Variants in CLVS1 observed in about 807,000 individuals in gnomAD.
CLVS1 encodes clavesin-1.
CLVS1 carries 10 observed loss-of-function variants against 33.1 expected under a neutral mutation model. The ratio of observed to expected loss-of-function variants is 0.30; its 90% confidence interval spans 0.19 to 0.51. The LOEUF is 0.51. Ranked by LOEUF, CLVS1 falls within the 20% of genes least tolerant of loss-of-function variation. The pLI is 0.97. For synonymous variants in CLVS1, 163 were observed against 166.1 expected (o/e 0.98, Z 0.14); for missense variants, 343 against 433.4 (o/e 0.79, Z 1.85).
At chr8:61,142,251 T>C (rs1806320455) in intron 2 of CLVS1, among the ~76,000 whole-genome samples, 1 of 152,196 alleles carries the variant, frequency 6.6e-6, no homozygotes. Context: ...GTTTAAAATG[T>C]GGCACATTCC....
At chr8:61,387,832 T>A (rs2129602466) in intron 3 of CLVS1, among the ~76,000 whole-genome samples, 1 of 152,344 alleles carries the variant, frequency 6.6e-6, no homozygotes, top group East Asian at 1.9e-4. Flanking sequence ...TGGTTGAGTA[T>A]TCCATGGTAT....
chr8:61,462,263 C>A (rs1182541343), intron 5 of CLVS1, among the ~76,000 whole-genome samples: 6 of 152,212 alleles, frequency 3.9e-5, no homozygotes, highest in African/African-American at 1.4e-4. Context: ...TCTAGAATGG[C>A]ATCCAGAATG....
chr8:61,164,045 A>G (rs546583422), intron 2 of CLVS1, among the ~76,000 whole-genome samples: 2 of 152,122 alleles, frequency 1.3e-5, no homozygotes, highest in Non-Finnish European at 2.9e-5. Context: ...TATCCCAATC[A>G]TTGTCCCTCC....
At chr8:61,159,382 G>C (rs1442109695) in intron 2 of CLVS1, among the ~76,000 whole-genome samples, 1 of 152,176 alleles carries the variant, frequency 6.6e-6, no homozygotes, top group Non-Finnish European at 1.5e-5. Context: ...TTTAGGACAA[G>C]CTGCAAAGGC....
the CLVS1 span, among the ~76,000 whole-genome samples, chr8:60,976,089 G>C: frequency 1.3e-5 from 2 of 152,066 alleles, no homozygotes; most frequent in East Asian, 3.8e-4. Context: ...CCATCACTTT[G>C]ATCTTTCAAT....
intron 1 of CLVS1, among the ~76,000 whole-genome samples, chr8:61,102,313 C>T (rs1805464724): frequency 6.6e-6 from 1 of 151,934 alleles, no homozygotes; most frequent in Admixed American, 6.6e-5. Flanking sequence ...ATAAGTTTTA[C>T]CCATATTTTG....
chr8:61,010,945 G>A, the CLVS1 span, among the ~76,000 whole-genome samples: 1 of 152,186 alleles, frequency 6.6e-6, no homozygotes, highest in Admixed American at 6.5e-5. Context: ...TGCAGGGCCC[G>A]GCACACGTTA....
chr8:61,301,636 C>G (rs1810441217), intron 2 of CLVS1, among the ~76,000 whole-genome samples: 1 of 152,096 alleles, frequency 6.6e-6, no homozygotes, highest in Non-Finnish European at 1.5e-5. Context: ...GTACTATGAC[C>G]CCTCTTTTAC....
chr8:61,236,255 A>G (rs1808556293), intron 2 of CLVS1, among the ~76,000 whole-genome samples: 1 of 152,190 alleles, frequency 6.6e-6, no homozygotes, highest in East Asian at 1.9e-4. Context: ...AAGCCAGAGG[A>G]GTGAATGAGA....
chr8:61,428,753 C>T (rs1815994444), intron 3 of CLVS1, among the ~76,000 whole-genome samples: 1 of 152,182 alleles, frequency 6.6e-6, no homozygotes, highest in Non-Finnish European at 1.5e-5. Flanking sequence ...ACTTAAATCC[C>T]ACAGTGGGCC....
Position 61,299,790 on chromosome 8 carries a change from T to C in CLVS1, c.-38T>C, listed in dbSNP as rs1329164363. 2 of 1,499,862 alleles carry C rather than the reference T, an allele frequency of 1.3e-6. No homozygotes were observed. Among genetic ancestry groups the C allele is most frequent in the Admixed American group, 1.8e-5 (1 of 55,952 alleles). The allele number at this position is 1,499,862 out of a possible 1,614,324, so 92.9% of individuals were successfully genotyped here. A position where few individuals can be genotyped will look rare whatever the true frequency, so the allele number is the denominator to read the frequency against. ...CCGGGGCAGCCTGGTAGTAAAACAC[T>C]GTTGAATGGGCCACAGTTTCAGCAG... On this transcript the variant is annotated 5_prime_UTR_variant, in exon 2 of 6. Coordinates refer to ENST00000325897, the MANE Select transcript of CLVS1 (RefSeq NM_173519.3).
intron 1 of CLVS1, among the ~76,000 whole-genome samples, chr8:61,068,225 A>G (rs1554531441): frequency 0.019 from 2,187 of 113,912 alleles, 35 homozygotes; most frequent in Non-Finnish European, 0.023. Context: ...ATATGTATGT[A>G]TGTGTATATA....
chr8:61,476,802 C>T (rs1226421412), intron 5 of CLVS1, among the ~76,000 whole-genome samples: 1 of 152,146 alleles, frequency 6.6e-6, no homozygotes, highest in Admixed American at 6.5e-5. Context: ...CTTCTCCTGC[C>T]TGATTGCCCT....
At chr8:61,395,917 AC>A (rs772781695) in intron 3 of CLVS1, among the ~76,000 whole-genome samples, 12 of 152,158 alleles carry the variant, frequency 7.9e-5, no homozygotes, top group Non-Finnish European at 1.8e-4. Flanking sequence ...GTGCTTTAAG[AC>A]TATTTTCTCC....
intron 2 of CLVS1, among the ~76,000 whole-genome samples, chr8:61,360,485 C>A (rs750963852): frequency 2.9e-4 from 44 of 152,156 alleles, no homozygotes; most frequent in Non-Finnish European, 5.3e-4. Context: ...TTACCTTCTT[C>A]TAAGAGAGGC....
intron 1 of CLVS1, among the ~76,000 whole-genome samples, chr8:61,110,339 C>T (rs1051741155): frequency 1.1e-4 from 16 of 152,092 alleles, no homozygotes; most frequent in African/African-American, 3.9e-4. Flanking sequence ...TTCCCTTGCT[C>T]TCTCCCTTCC....
chr8:61,146,692 AAAG>A (rs1360100836), intron 2 of CLVS1, among the ~76,000 whole-genome samples: 1 of 152,396 alleles, frequency 6.6e-6, no homozygotes. Context: ...CAGAATCAGC[AAAG>A]AAGAACAGGA....
At chr8:61,013,876 G>A in the CLVS1 span, among the ~76,000 whole-genome samples, 35 of 152,294 alleles carry the variant, frequency 2.3e-4, no homozygotes, top group Admixed American at 1.5e-3. Context: ...AGCCTGTTGT[G>A]CTGCACATCT....
chr8:61,430,550 C>T (rs182213566), intron 3 of CLVS1, among the ~76,000 whole-genome samples: 12 of 152,226 alleles, frequency 7.9e-5, no homozygotes, highest in East Asian at 3.9e-4. Flanking sequence ...ATTTTCTGCA[C>T]GTGTGAAATG....
Sources: allele counts gnomAD v4.1 joint callset (sites outside exome capture counted in the v4.1 genomes callset), GRCh38; gene constraint gnomAD v4.1.1; transcripts MANE v1.5; gene names NCBI Gene and HGNC (gene_info 2026-07-23, HGNC 2026-07-21).